Variants in FGGY observed in about 807,000 individuals in gnomAD.
The protein encoded by FGGY is FGGY carbohydrate kinase domain containing.
FGGY carries 72 observed loss-of-function variants against 71.3 expected under a neutral mutation model. The ratio of observed to expected loss-of-function variants is 1.01; its 90% CI spans 0.84 to 1.23. The LOEUF is 1.23. Among genes scored for constraint, FGGY ranks in the 50% most tolerant of loss-of-function variants. FGGY has a pLI of 0.00. For synonymous variants in FGGY, 251 were observed against 250.3 expected, an observed-to-expected ratio of 1.00 and a Z score of -0.02; for missense variants, 668 against 682.3, an observed-to-expected ratio of 0.98 and a Z score of 0.23.
chr1:59,683,007 G>A (rs1573125609), intron 14 of FGGY, among the ~76,000 whole-genome samples: 2 of 152,136 alleles, frequency 1.3e-5, no homozygotes, highest in East Asian at 3.8e-4. Flanking sequence ...CCACAGATGG[G>A]CCCTTTGAAT....
intron 8 of FGGY, among the ~76,000 whole-genome samples, chr1:59,572,632 A>T (rs1435075737): frequency 6.6e-6 from 1 of 152,216 alleles, no homozygotes; most frequent in African/African-American, 2.4e-5. Context: ...AGATGATATC[A>T]TACTAACTTG....
At chr1:59,718,004 T>C (rs1411155757) in intron 14 of FGGY, among the ~76,000 whole-genome samples, 2 of 152,176 alleles carry the variant, frequency 1.3e-5, no homozygotes, top group Non-Finnish European at 2.9e-5. Flanking sequence ...ACAGCTGGTA[T>C]GTAGAGAAAC....
intron 5 of FGGY, among the ~76,000 whole-genome samples, chr1:59,400,879 T>C (rs1324549960): frequency 6.6e-6 from 1 of 152,124 alleles, no homozygotes; most frequent in Non-Finnish European, 1.5e-5. Context: ...TCGAGCAATC[T>C]GCCCTCCTCA....
chr1:59,412,088 C>T (rs1270732274), intron 5 of FGGY, among the ~76,000 whole-genome samples: 1 of 152,202 alleles, frequency 6.6e-6, no homozygotes, highest in African/African-American at 2.4e-5. Flanking sequence ...CTCAGGAGGA[C>T]AGTAAAGGGA....
intron 6 of FGGY, among the ~76,000 whole-genome samples, chr1:59,477,156 G>A (rs1169067306): frequency 6.6e-6 from 1 of 152,088 alleles, no homozygotes; most frequent in African/African-American, 2.4e-5. Context: ...CCAGTGGTTG[G>A]CCTTCTCTAT....
chr1:59,369,130 G>A (rs1401599341), intron 4 of FGGY, among the ~76,000 whole-genome samples: 2 of 152,224 alleles, frequency 1.3e-5, no homozygotes, highest in African/African-American at 4.8e-5. Flanking sequence ...CTCGGAAAGC[G>A]CAAGGGGTCA....
intron 9 of FGGY, among the ~76,000 whole-genome samples, chr1:59,615,711 C>G (rs1323492575): frequency 6.6e-6 from 1 of 152,140 alleles, no homozygotes; most frequent in African/African-American, 2.4e-5. Context: ...GAACAGGCAG[C>G]CTACAGAATG....
At chr1:59,361,707 T>A (rs1449156287) in intron 4 of FGGY, among the ~76,000 whole-genome samples, 2 of 152,118 alleles carry the variant, frequency 1.3e-5, no homozygotes, top group Non-Finnish European at 2.9e-5. Context: ...TCAGAAGCTA[T>A]TTGTGACATT....
chr1:59,721,126 C>T (rs557637345), intron 14 of FGGY, among the ~76,000 whole-genome samples: 2 of 152,260 alleles, frequency 1.3e-5, no homozygotes, highest in South Asian at 2.1e-4. Flanking sequence ...GCCTGCTCCA[C>T]GCCTACCATT....
intron 14 of FGGY, among the ~76,000 whole-genome samples, chr1:59,744,770 C>G (rs1458353379): frequency 6.6e-6 from 1 of 152,210 alleles, no homozygotes; most frequent in Non-Finnish European, 1.5e-5. Flanking sequence ...GTATTTATTA[C>G]ATTTTTGCAT....
At chr1:59,752,597 G>A (rs559663181) in intron 14 of FGGY, among the ~76,000 whole-genome samples, 1 of 152,242 alleles carries the variant, frequency 6.6e-6, no homozygotes, top group African/African-American at 2.4e-5. Flanking sequence ...TTTTCCAAGG[G>A]TACTGAAGAA....
chr1:59,661,380 A>G (rs1254554220), intron 12 of FGGY, among the ~76,000 whole-genome samples: 2 of 152,250 alleles, frequency 1.3e-5, no homozygotes, highest in Non-Finnish European at 2.9e-5. Flanking sequence ...GCAACTACAT[A>G]GAAGTATGGA....
chr1:59,592,683 G>C (rs1198011885), intron 8 of FGGY, among the ~76,000 whole-genome samples: 1 of 150,150 alleles, frequency 6.7e-6, no homozygotes, highest in African/African-American at 2.5e-5. Flanking sequence ...ACTATAGCAA[G>C]AACAAAAGAC....
At chr1:59,336,722 T>A (rs2049617079) in intron 2 of FGGY, among the ~76,000 whole-genome samples, 1 of 152,156 alleles carries the variant, frequency 6.6e-6, no homozygotes, top group African/African-American at 2.4e-5. Context: ...CAACTCCCAC[T>A]TATGAGTGAG....
At chr1:59,649,152 G>A (rs960563710) in intron 11 of FGGY, among the ~76,000 whole-genome samples, 1 of 151,298 alleles carries the variant, frequency 6.6e-6, no homozygotes, top group East Asian at 1.9e-4. Context: ...GGTTACTGTA[G>A]CCTTGTAGTA....
intron 8 of FGGY, among the ~76,000 whole-genome samples, chr1:59,591,327 G>A (rs907578955): frequency 6.6e-6 from 1 of 152,168 alleles, no homozygotes; most frequent in African/African-American, 2.4e-5. Flanking sequence ...ATGCTCATGG[G>A]TAGGAAGAAT....
intron 8 of FGGY, among the ~76,000 whole-genome samples, chr1:59,577,065 A>C (rs1042518665): frequency 6.6e-6 from 1 of 152,200 alleles, no homozygotes; most frequent in African/African-American, 2.4e-5. Context: ...AGCATGAGCC[A>C]AAAATATCAC....
chr1:59,533,419 G>A (rs999986169), intron 7 of FGGY, among the ~76,000 whole-genome samples: 16 of 152,360 alleles, frequency 1.1e-4, no homozygotes, highest in Non-Finnish European at 2.4e-4. Context: ...CAGCGAGGCT[G>A]GGGGAGGGGC....
At chr1:59,687,954 G>A (rs994475586) in intron 14 of FGGY, among the ~76,000 whole-genome samples, 1 of 152,202 alleles carries the variant, frequency 6.6e-6, no homozygotes, top group Non-Finnish European at 1.5e-5. Context: ...CTGTTGGAGT[G>A]AGCCAAGCCA....
Sources: allele counts gnomAD v4.1 joint callset (sites outside exome capture counted in the v4.1 genomes callset), GRCh38; gene constraint gnomAD v4.1.1; transcripts MANE v1.5; gene names NCBI Gene and HGNC (gene_info 2026-07-23, HGNC 2026-07-21).